Variants in DEF6 observed in about 807,000 individuals in gnomAD.
DEF6 encodes differentially expressed in FDCP 6 homolog.
Under a neutral mutation model 80.5 loss-of-function variants are expected in DEF6, and 32 were observed. The ratio of observed to expected loss-of-function variants is 0.40; its 90% CI spans 0.30 to 0.53. The LOEUF is 0.53. DEF6 is among the 20% of genes least tolerant of loss of function. The pLI is 0.57. For missense variants in DEF6, 575 were observed against 818.7 expected, an observed-to-expected ratio of 0.70 and a Z score of 3.63; for synonymous variants, 300 against 337.9, an observed-to-expected ratio of 0.89 and a Z score of 1.23.
At chr6:35,305,865 G>T (rs1275180404) in intron 1 of DEF6, among the ~76,000 whole-genome samples, 1 of 149,804 alleles carries the variant, frequency 6.7e-6, no homozygotes, top group African/African-American at 2.5e-5. Flanking sequence ...GAACCACTGC[G>T]CCTGGCCAAA....
chr6:35,315,095 T>C (rs1165260810), intron 5 of DEF6, among the ~76,000 whole-genome samples: 2 of 152,268 alleles, frequency 1.3e-5, no homozygotes, highest in Admixed American at 6.5e-5. Flanking sequence ...CATGGATTTA[T>C]ATCTAGGTTA....
chr6:35,301,578 C>T (rs140139966), intron 1 of DEF6, among the ~76,000 whole-genome samples: 89 of 152,284 alleles, frequency 5.8e-4, no homozygotes, highest in African/African-American at 1.9e-3. Context: ...CACACCCAAC[C>T]CCTACAGCCC....
chr6:35,297,904 C>G lies in DEF6; in HGVS notation c.48C>G (p.Thr16=). ...TCAAGTCCATCTGGTACGCCTTTAC[C>G]GCGCTGGACGTGGAGAAGAGTGGCA... ...ELLKSIWYAF[T]ALDVEKSGKV... Residue 16 remains threonine, a synonymous_variant, in exon 1 of 11, where the codon ACC becomes ACG. Transcript: ENST00000316637. 1 of 1,607,898 alleles carries G rather than the reference C, an allele frequency of 6.2e-7. No homozygotes were observed. The highest frequency in any genetic ancestry group is 8.5e-7 in the Non-Finnish European group (1 of 1,177,688).
At chr6:35,304,284 A>G (rs1005766763) in intron 1 of DEF6, among the ~76,000 whole-genome samples, 1 of 152,110 alleles carries the variant, frequency 6.6e-6, no homozygotes, top group South Asian at 2.1e-4. Flanking sequence ...TTGTGCCACT[A>G]CACTTCAGCC....
At chr6:35,320,839 A>G (rs752103851) in intron 9 of DEF6, 45 bp from the exon 10 acceptor site, 3 of 1,542,204 alleles carry the variant, frequency 1.9e-6, no homozygotes, top group Non-Finnish European at 2.7e-6. Flanking sequence ...ACTCCATGCC[A>G]TGGATGATGG....
intron 5 of DEF6, among the ~76,000 whole-genome samples, chr6:35,316,610 C>T (rs1435740663): frequency 2.0e-5 from 3 of 152,104 alleles, no homozygotes; most frequent in Non-Finnish European, 2.9e-5. Flanking sequence ...TTTTATAACA[C>T]GATGTTGAAT....
In DEF6 at chr6:35,318,272, G is replaced by A; in HGVS notation, c.1016G>A (p.Arg339His). 6.4e-7 allele frequency: 1 copy of A among 1,570,252 alleles called. No homozygotes were observed. Among genetic ancestry groups the A allele is most frequent in the South Asian group, 1.2e-5 (1 of 86,754 alleles). Residue 339 changes from arginine (R) to histidine (H), a missense_variant, in exon 7 of 11, where the codon CGC becomes CAC. By Grantham distance (29) the Arg-to-His change is conservative. Transcript: ENST00000316637. The surrounding 1 kb of genome is among the most constrained non-coding windows in gnomAD (Gnocchi z 5.1). ...RREQREQRERRRAAKEEELLR... is the reference protein window; with the variant it reads ...RREQREQRERHRAAKEEELLR... ...GAGCAGCGGGAGCAGCGGGAGCGGCGCCGGGCGGCCAAGGAAGAGGAGCTG... is the reference window on the plus strand; with the variant it reads ...GAGCAGCGGGAGCAGCGGGAGCGGCACCGGGCGGCCAAGGAAGAGGAGCTG...
chr6:35,302,099 C>T (rs1281314420), intron 1 of DEF6, among the ~76,000 whole-genome samples: 1 of 151,972 alleles, frequency 6.6e-6, no homozygotes, highest in Non-Finnish European at 1.5e-5. Flanking sequence ...AGGTGGCTCA[C>T]ATCTGTAATC....
At chr6:35,298,363 C>T (rs1043978637) in intron 1 of DEF6, among the ~76,000 whole-genome samples, 3 of 152,138 alleles carry the variant, frequency 2.0e-5, no homozygotes, top group African/African-American at 7.2e-5. Context: ...AACAGTTAGC[C>T]AGTGCTTGGC....
At position 35,309,703 on chromosome 6, in the gene DEF6, A is replaced by G. The variant is rs1264002249; in HGVS notation, c.130A>G (p.Ile44Val). The change falls in exon 2 of 11, where the codon ATC (isoleucine) becomes GTC (valine). Residue 44 changes from isoleucine (I) to valine (V), a missense_variant. Coordinates refer to ENST00000316637, the MANE Select transcript of DEF6 (RefSeq NM_022047.4). ...CCACAACCTGTACACGGTCCTGCACATCCCCCATGACCCCGTGGCCCTGGA... is the reference window on the plus strand; with the variant it reads ...CCACAACCTGTACACGGTCCTGCACGTCCCCCATGACCCCGTGGCCCTGGA... Reference protein sequence around the residue: ...LSHNLYTVLHIPHDPVALEEH... With the variant: ...LSHNLYTVLHVPHDPVALEEH... 3.1e-6 allele frequency: 5 copies of G among 1,613,986 alleles called. No individual in the cohort carries two copies. Among genetic ancestry groups the G allele is most frequent in the Non-Finnish European group, 4.2e-6 (5 of 1,179,984 alleles).
Position 35,319,886 on chromosome 6 carries a change from A to T in DEF6, c.1450A>T (p.Ile484Phe). The T allele has an allele frequency of 6.3e-7, 1 of 1,580,808 alleles. No individual in the cohort carries two copies. Among genetic ancestry groups the T allele is most frequent in the Non-Finnish European group, 8.6e-7 (1 of 1,163,382 alleles). ...GCTGAAGGAGGAGCAGGAGCGCTAC[A>T]TCGAACGGGCGCAGCAGGAGAAGGA... ...MQLKEEQERY[I>F]ERAQQEKEEL... The change falls in exon 9 of 11, where the codon ATC becomes TTC. Residue 484 changes from isoleucine (I) to phenylalanine (F), a missense_variant. Physicochemically the swap from Ile to Phe is conservative, Grantham distance 21. Coordinates refer to ENST00000316637, the MANE Select transcript of DEF6 (RefSeq NM_022047.4). The surrounding 1 kb of genome is among the most constrained non-coding windows in gnomAD (Gnocchi z 4.5).
At position 35,312,482 on chromosome 6, in the gene DEF6, C is replaced by G. The variant is rs377311393; in HGVS notation, c.604C>G (p.Leu202Val). 9.0e-5 allele frequency: 146 copies of G among 1,614,052 alleles called. No individual in the cohort carries two copies. Among genetic ancestry groups the G allele is most frequent in the Non-Finnish European group, 2.7e-5 (32 of 1,180,044 alleles). ...CCTGCGGGGCGTGGGCCGGGACACC[C>G]TCAGCATGGCCATCCACGAGGTCTA... ...RCLRGVGRDT[L>V]SMAIHEVYQE... The change falls in exon 4 of 11, where the codon CTC (leucine) becomes GTC (valine). Residue 202 changes from leucine (L) to valine (V), a missense_variant. By Grantham distance (32) the Leu-to-Val change is conservative. Transcript: ENST00000316637. The surrounding 1 kb of genome is among the most constrained non-coding windows in gnomAD (Gnocchi z 6.6).
rs913321716 is a variant in DEF6, at chr6:35,320,737, A to G, written c.1582-147A>G. On this transcript the variant is annotated intron_variant, in intron 9 of 10. Coordinates refer to ENST00000316637, the MANE Select transcript of DEF6 (RefSeq NM_022047.4). Reference sequence around the variant, plus strand: ...GCAAACTCTATTCATGTATGTATTAATAACTCTATGAGCATATATGGTTTT... The same window carrying G: ...GCAAACTCTATTCATGTATGTATTAGTAACTCTATGAGCATATATGGTTTT... The G allele has an allele frequency of 1.5e-4, 96 of 652,892 alleles. 1 individual carries two copies. The African/African-American group carries it at 1.6e-3, about 11-fold the overall frequency. The allele number at this position is 652,892 out of a possible 1,614,324, so 40.4% of individuals were successfully genotyped here.
In DEF6 at chr6:35,310,532, G is replaced by C. The variant is rs150604825; in HGVS notation, c.311G>C (p.Arg104Pro). The C allele has an allele frequency of 4.9e-5, 79 of 1,614,110 alleles. No homozygotes were observed. In the African/African-American group the frequency reaches 8.4e-4, roughly 17 times the overall value. ...CWTLTAKKNY[R>P]ADSNGNSMLS... ...ACGCTGACGGCCAAGAAGAACTATCGGGCAGATAGCAACGGGAACAGTATG... is the reference window on the plus strand; with the variant it reads ...ACGCTGACGGCCAAGAAGAACTATCCGGCAGATAGCAACGGGAACAGTATG... Residue 104 changes from arginine to proline, a missense_variant, in exon 3 of 11, where the codon CGG (arginine) becomes CCG (proline). By Grantham distance (103) the Arg-to-Pro change is moderately radical. Transcript: ENST00000316637.
At chr6:35,304,414 G>C (rs193098151) in intron 1 of DEF6, among the ~76,000 whole-genome samples, 1 of 152,312 alleles carries the variant, frequency 6.6e-6, no homozygotes, top group African/African-American at 2.4e-5. Flanking sequence ...AGGAGGAAAG[G>C]GTTTGAGCCA....
At chr6:35,315,626 A>G (rs768587287) in intron 5 of DEF6, among the ~76,000 whole-genome samples, 1 of 151,896 alleles carries the variant, frequency 6.6e-6, no homozygotes, top group African/African-American at 2.4e-5. Context: ...AATTTATTTC[A>G]TCAGTTTTAT....
Position 35,312,924 on chromosome 6 carries a change from T to G in DEF6, c.807+152T>G. The G allele has an allele frequency of 2.3e-6, 2 of 866,644 alleles. No individual in the cohort carries two copies. The highest frequency in any genetic ancestry group is 3.5e-6 in the Non-Finnish European group (2 of 574,654). The allele number at this position is 866,644 out of a possible 1,614,324, so 53.7% of individuals were successfully genotyped here. On this transcript the variant is annotated intron_variant, in intron 5 of 10. Transcript: ENST00000316637. The surrounding 1 kb of genome is among the most constrained non-coding windows in gnomAD (Gnocchi z 6.6). ...TTAGTGTGACCCAAATATATCCGGA[T>G]GCCTCAAGGCCATTCTCATCCACGT...
chr6:35,310,799 A>G (rs1026763539), intron 3 of DEF6, among the ~76,000 whole-genome samples, 155 bp downstream of exon 3: 6 of 152,180 alleles, frequency 3.9e-5, no homozygotes, highest in Non-Finnish European at 5.9e-5. Flanking sequence ...AGCTGTCTCC[A>G]GATGCCTAGA....
At chr6:35,306,760 A>G (rs939397182) in intron 1 of DEF6, among the ~76,000 whole-genome samples, 7 of 152,222 alleles carry the variant, frequency 4.6e-5, no homozygotes, top group African/African-American at 1.4e-4. Flanking sequence ...TAGTATGCAT[A>G]TCTTTCAATG....
Sources: gnomAD v4.1 joint callset for allele counts (sites outside exome capture counted in the v4.1 genomes callset) on GRCh38, gnomAD v4.1.1 for gene constraint, Gnocchi (gnomAD v3.1) non-coding constraint, MANE v1.5 for transcripts, NCBI Gene and HGNC (gene_info 2026-07-23, HGNC 2026-07-21) for gene names.